Variants in TSHR observed in about 807,000 individuals in gnomAD.
TSHR encodes thyrotropin receptor.
Under a neutral mutation model 64.1 loss-of-function variants are expected in TSHR, and 51 were observed. The ratio of observed to expected loss-of-function variants is 0.80; its 90% CI spans 0.64 to 1.01. TSHR has a LOEUF of 1.01. TSHR is among the 50% of genes least tolerant of loss of function. The pLI is 0.00. For synonymous variants in TSHR, 361 were observed against 361.9 expected, an observed-to-expected ratio of 1.00 and a Z score of 0.03; for missense variants, 877 against 942.8, an observed-to-expected ratio of 0.93 and a Z score of 0.91.
At position 81,103,694 on chromosome 14, in the gene TSHR, C is replaced by A; in HGVS notation, c.615-4681C>A. On this transcript the variant is annotated intron_variant, in intron 7 of 9. Transcript: ENST00000298171. The surrounding 1 kb of genome is among the most constrained non-coding windows in gnomAD (Gnocchi z 4.1). ...AATAATACAAGCATCCCTTGCTCAA[C>A]AGAAGTTGAACTGTACTTGGTCACA... 6 of 985,480 alleles carry A rather than the reference C, an allele frequency of 6.1e-6. No homozygotes were observed. Among genetic ancestry groups the A allele is most frequent in the Non-Finnish European group, 7.2e-6 (6 of 829,936 alleles). The allele number at this position is 985,480 out of a possible 1,614,324, so 61.0% of individuals were successfully genotyped here.
chr14:80,996,096 T>A (rs571705165), intron 1 of TSHR, among the ~76,000 whole-genome samples: 2 of 152,300 alleles, frequency 1.3e-5, no homozygotes, highest in South Asian at 4.1e-4. Flanking sequence ...CTACCTCGTG[T>A]CTCCAAAACA....
intron 1 of TSHR, among the ~76,000 whole-genome samples, chr14:81,035,805 G>T (rs561157605): frequency 6.6e-6 from 1 of 151,906 alleles, no homozygotes; most frequent in Non-Finnish European, 1.5e-5. Flanking sequence ...AAACAAACCC[G>T]CAATAAAAGT....
At chr14:81,019,248 C>T (rs1022810363) in intron 1 of TSHR, among the ~76,000 whole-genome samples, 1 of 151,590 alleles carries the variant, frequency 6.6e-6, no homozygotes, top group African/African-American at 2.4e-5. Context: ...ACAGGAGAAT[C>T]GCTTGAACCC....
At chr14:81,028,080 T>A (rs951947456) in intron 1 of TSHR, among the ~76,000 whole-genome samples, 3 of 152,154 alleles carry the variant, frequency 2.0e-5, no homozygotes, top group Non-Finnish European at 4.4e-5. Flanking sequence ...AGGTACTGTT[T>A]AAAGGAAGAG....
At chr14:81,073,017 A>AAAAAAAAATAT (rs1555376957) in intron 3 of TSHR, among the ~76,000 whole-genome samples, 8 of 91,190 alleles carry the variant, frequency 8.8e-5, no homozygotes, top group African/African-American at 3.6e-4. Flanking sequence ...AAAAATAAAA[A>AAAAAAAAATAT]ATAAATATAT....
chr14:81,033,279 C>T (rs926041729), intron 1 of TSHR: 16 of 468,072 alleles, frequency 3.4e-5, no homozygotes, highest in Admixed American at 1.9e-4. Flanking sequence ...AAGAATACAT[C>T]GAAAAGCATA....
At chr14:81,034,790 A>C (rs1349383257) in intron 1 of TSHR, among the ~76,000 whole-genome samples, 2 of 152,182 alleles carry the variant, frequency 1.3e-5, no homozygotes, top group African/African-American at 4.8e-5. Flanking sequence ...ACTAAAGTTA[A>C]ATTTCTAATG....
chr14:81,047,323 T>TAC (rs142710615), intron 1 of TSHR, among the ~76,000 whole-genome samples: 6 of 151,530 alleles, frequency 4.0e-5, no homozygotes, highest in East Asian at 1.9e-4. Flanking sequence ...CGGACACCAA[T>TAC]ACACACACAC....
rs1343583459 is a variant in TSHR at position 81,144,247 on chromosome 14, A to AG, written c.2192dup (p.Leu732SerfsTer9). 8 of 1,613,594 alleles carry AG rather than the reference A, an allele frequency of 5.0e-6. No homozygotes were observed. The highest frequency in any genetic ancestry group is 6.8e-6 in the Non-Finnish European group (8 of 1,179,776). On this transcript the variant is annotated frameshift_variant, in exon 10 of 10. Transcript: ENST00000298171. LOFTEE classifies it high-confidence loss of function. ...CAAAAGGTTACCCACGAGATGAGGC[A>AG]GGGTCTCCACAACATGGAAGATGTC...
At chr14:80,972,200 TA>T (rs1414608175) in intron 1 of TSHR, among the ~76,000 whole-genome samples, 3 of 152,264 alleles carry the variant, frequency 2.0e-5, no homozygotes, top group Non-Finnish European at 2.9e-5. Context: ...TTACTTTTAT[TA>T]CATTTTAACA....
intron 2 of TSHR, among the ~76,000 whole-genome samples, chr14:81,065,010 C>T (rs890045116): frequency 6.6e-6 from 1 of 151,902 alleles, no homozygotes; most frequent in African/African-American, 2.4e-5. Flanking sequence ...TGTCACATGG[C>T]CATAAAAGAT....
At chr14:81,135,793 A>T (rs1252519229) in intron 8 of TSHR, among the ~76,000 whole-genome samples, 2 of 152,154 alleles carry the variant, frequency 1.3e-5, no homozygotes, top group Non-Finnish European at 2.9e-5. Flanking sequence ...ATCCATAGAG[A>T]AGTACAGAGG....
At chr14:81,115,143 G>A (rs1033648599) in intron 8 of TSHR, among the ~76,000 whole-genome samples, 29 of 152,112 alleles carry the variant, frequency 1.9e-4, no homozygotes, top group African/African-American at 6.5e-4. Flanking sequence ...CCAAAGGAAC[G>A]CAGTTCCTCA....
chr14:80,955,944 G>A (rs900816207), intron 1 of TSHR, 94 bp downstream of exon 1: 35 of 1,463,148 alleles, frequency 2.4e-5, no homozygotes, highest in Non-Finnish European at 3.1e-5. Flanking sequence ...ATAACAGCCC[G>A]AAGTAGTGTG....
chr14:80,965,691 T>C (rs529675302), intron 1 of TSHR, among the ~76,000 whole-genome samples: 24 of 152,348 alleles, frequency 1.6e-4, no homozygotes, highest in East Asian at 5.8e-4. Context: ...AAATTATAGA[T>C]TGAGTTTTAA....
intron 3 of TSHR, among the ~76,000 whole-genome samples, chr14:81,069,677 A>G (rs1332720496): frequency 6.6e-6 from 1 of 152,154 alleles, no homozygotes; most frequent in Admixed American, 6.6e-5. Flanking sequence ...ACAATCCAGG[A>G]TTTTGGTTGA....
At chr14:81,110,842 A>G (rs1890194061) in intron 8 of TSHR, among the ~76,000 whole-genome samples, 1 of 152,244 alleles carries the variant, frequency 6.6e-6, no homozygotes, top group Non-Finnish European at 1.5e-5. Context: ...CCAAAATCAA[A>G]ATAAACTGAA....
At chr14:81,040,966 C>G (rs926570304) in intron 1 of TSHR, among the ~76,000 whole-genome samples, 3 of 152,064 alleles carry the variant, frequency 2.0e-5, no homozygotes, top group Non-Finnish European at 4.4e-5. Context: ...CAATGAGATA[C>G]CATCTCAGAC....
intron 9 of TSHR, among the ~76,000 whole-genome samples, chr14:81,140,953 G>A (rs950833978): frequency 9.9e-5 from 15 of 152,076 alleles, no homozygotes; most frequent in African/African-American, 3.6e-4. Flanking sequence ...AACCCCGTCT[G>A]TACTAAAAAT....
Sources: allele counts gnomAD v4.1 joint callset (sites outside exome capture counted in the v4.1 genomes callset), GRCh38; gene constraint gnomAD v4.1.1; non-coding constraint Gnocchi (gnomAD v3.1); transcripts MANE v1.5; gene names NCBI Gene and HGNC (gene_info 2026-07-23, HGNC 2026-07-21).